Variants in FOXP1 observed in about 807,000 individuals in gnomAD.
The protein encoded by FOXP1 is forkhead box protein P1.
Under a neutral mutation model 98.2 loss-of-function variants are expected in FOXP1, and 15 were observed. The observed-to-expected ratio is 0.15, with a 90% CI of 0.10 to 0.24. The LOEUF (loss-of-function observed/expected upper bound fraction) is 0.24, where lower values mean the gene tolerates loss of function less well. Ranked by LOEUF, FOXP1 falls within the 10% of genes least tolerant of loss-of-function variation. The pLI is 1.00. For missense variants in FOXP1, 633 were observed against 848.5 expected (o/e 0.75, Z 3.15); for synonymous variants, 371 against 314.5 (o/e 1.18, Z -1.90).
intron 2 of FOXP1, among the ~76,000 whole-genome samples, chr3:71,499,056 T>C (rs1056839161): frequency 6.6e-6 from 1 of 152,184 alleles, no homozygotes; most frequent in Admixed American, 6.5e-5. Context: ...CATCTGCTTC[T>C]CCAGAGGCTC....
chr3:71,053,508 C>G (rs1262143700), intron 8 of FOXP1, 128 bp downstream of exon 8: 2 of 1,124,034 alleles, frequency 1.8e-6, no homozygotes, highest in Non-Finnish European at 2.6e-6. Flanking sequence ...TGTGTCCTGC[C>G]CCACCCACGC....
intron 7 of FOXP1, among the ~76,000 whole-genome samples, chr3:71,082,355 A>G (rs142680929): frequency 3.0e-3 from 454 of 152,032 alleles, no homozygotes; most frequent in African/African-American, 0.01. Context: ...TGGGCATCAT[A>G]TGAAAGCCAC....
intron 7 of FOXP1, among the ~76,000 whole-genome samples, chr3:71,079,886 A>G (rs1383221801): frequency 6.6e-6 from 1 of 152,242 alleles, no homozygotes. Flanking sequence ...TACATTTTAT[A>G]GATGAGAAAA....
intron 2 of FOXP1, among the ~76,000 whole-genome samples, chr3:71,578,214 G>A (rs980047746): frequency 3.9e-5 from 6 of 152,096 alleles, no homozygotes; most frequent in African/African-American, 9.7e-5. Context: ...TAAGATTATC[G>A]GGAGAGCAAA....
chr3:71,286,013 A>AGT (rs1279121545), intron 5 of FOXP1, among the ~76,000 whole-genome samples: 1 of 152,210 alleles, frequency 6.6e-6, no homozygotes. Context: ...CCAACATAAG[A>AGT]GTGTACTTAA....
At chr3:71,232,253 G>T (rs1468311956) in intron 5 of FOXP1, among the ~76,000 whole-genome samples, 1 of 152,124 alleles carries the variant, frequency 6.6e-6, no homozygotes, top group Non-Finnish European at 1.5e-5. Flanking sequence ...AGAAGGGAGG[G>T]GAAATACATT....
chr3:71,373,758 G>A (rs150163526), intron 3 of FOXP1, among the ~76,000 whole-genome samples: 6 of 152,274 alleles, frequency 3.9e-5, no homozygotes, highest in African/African-American at 1.4e-4. Context: ...TTGAGCCTAT[G>A]AATGTTTCTG....
At chr3:71,064,872 G>C in intron 7 of FOXP1, 1 of 957,596 alleles carries the variant, frequency 1.0e-6, no homozygotes, top group Non-Finnish European at 1.2e-6. Context: ...GGCTCGGGGC[G>C]CCCGCGCGGG....
intron 7 of FOXP1, among the ~76,000 whole-genome samples, chr3:71,084,673 C>T (rs1312144160): frequency 1.3e-5 from 2 of 152,190 alleles, no homozygotes; most frequent in African/African-American, 4.8e-5. Flanking sequence ...GAATAACCTG[C>T]CCTTGCATAG....
intron 3 of FOXP1, among the ~76,000 whole-genome samples, chr3:71,362,219 T>C (rs1287846138): frequency 6.6e-6 from 1 of 152,254 alleles, no homozygotes; most frequent in African/African-American, 2.4e-5. Context: ...GTCACCAGGC[T>C]GGAGTGCAAT....
intron 6 of FOXP1, among the ~76,000 whole-genome samples, chr3:71,113,066 G>A (rs900868990): frequency 3.9e-5 from 6 of 152,046 alleles, no homozygotes; most frequent in African/African-American, 1.5e-4. Flanking sequence ...CAAGTTGAAA[G>A]TAATACTTTC....
chr3:71,076,417 G>A (rs763603945), intron 7 of FOXP1, among the ~76,000 whole-genome samples: 25 of 152,142 alleles, frequency 1.6e-4, no homozygotes, highest in Non-Finnish European at 3.2e-4. Flanking sequence ...TTGGCCTCAG[G>A]GGGAAAAGGG....
chr3:71,453,176 C>T (rs900712277), intron 3 of FOXP1, among the ~76,000 whole-genome samples: 1 of 152,088 alleles, frequency 6.6e-6, no homozygotes, highest in South Asian at 2.1e-4. Context: ...ATGTTTGGGC[C>T]AGTATCAGGG....
chr3:71,076,172 G>T (rs2053789342), intron 7 of FOXP1, among the ~76,000 whole-genome samples: 1 of 152,142 alleles, frequency 6.6e-6, no homozygotes, highest in African/African-American at 2.4e-5. Context: ...AGAAAGGCTG[G>T]CTTTCAATGT....
intron 11 of FOXP1, among the ~76,000 whole-genome samples, chr3:71,031,586 T>C (rs1293781345): frequency 6.6e-6 from 1 of 152,186 alleles, no homozygotes; most frequent in Non-Finnish European, 1.5e-5. Flanking sequence ...CTCCAGCCAA[T>C]GTTTTACTCT....
At chr3:71,097,579 G>A (rs2107644106) in intron 7 of FOXP1, among the ~76,000 whole-genome samples, 1 of 152,264 alleles carries the variant, frequency 6.6e-6, no homozygotes, top group South Asian at 2.1e-4. Flanking sequence ...ACTTGAAACT[G>A]AGACAACGAT....
intron 2 of FOXP1, among the ~76,000 whole-genome samples, chr3:71,531,964 C>G (rs2043887845): frequency 6.6e-6 from 1 of 152,190 alleles, no homozygotes; most frequent in Non-Finnish European, 1.5e-5. Context: ...ATGCGACTTC[C>G]ACATGCTCAA....
intron 11 of FOXP1, among the ~76,000 whole-genome samples, chr3:71,026,142 T>C (rs1471310868): frequency 6.6e-6 from 1 of 152,216 alleles, no homozygotes; most frequent in Non-Finnish European, 1.5e-5. Context: ...CTTTGAAGAT[T>C]TGCAGATGTA....
At position 71,342,831 on chromosome 3, in the gene FOXP1, G is replaced by A. The variant is rs188225262; in HGVS notation, c.-73+16319C>T. The stretch of plus-strand genomic sequence containing the variant: ...CCTTCATCCAGTTTTCCCCAACGGT[G>A]ACATCTTGTACAGCTGTATACAGTA... On this transcript the variant is annotated intron_variant, in intron 4 of 20. Coordinates refer to ENST00000649528, the MANE Select transcript of FOXP1 (RefSeq NM_001349338.3). Among the ~76,000 whole-genome samples the A allele has an allele frequency of 1.3e-3, 198 of 152,264 alleles. 2 individuals are homozygous for A. The East Asian group carries it at 0.014, about 11-fold the overall frequency.
Sources: allele counts gnomAD v4.1 joint callset (sites outside exome capture counted in the v4.1 genomes callset), GRCh38; gene constraint gnomAD v4.1.1; transcripts MANE v1.5; gene names NCBI Gene and HGNC (gene_info 2026-07-23, HGNC 2026-07-21).